The following MTUS2 variants were observed in gnomAD, a reference collection of about 807,000 sequenced individuals.
The protein encoded by MTUS2 is microtubule-associated tumor suppressor candidate 2.
Under a neutral mutation model 114.1 loss-of-function variants are expected in MTUS2, and 40 were observed. The ratio of observed to expected loss-of-function variants is 0.35; its 90% CI spans 0.27 to 0.46. MTUS2 has a LOEUF of 0.46. Ranked by LOEUF, MTUS2 falls within the 20% of genes least tolerant of loss-of-function variation. The pLI is 1.00. For missense variants in MTUS2, 1,679 were observed against 1,705.4 expected (o/e 0.98, Z 0.27); for synonymous variants, 688 against 672.0 (o/e 1.02, Z -0.37).
intron 5 of MTUS2, among the ~76,000 whole-genome samples, chr13:29,160,812 G>A (rs925455942): frequency 2.0e-5 from 3 of 152,110 alleles, no homozygotes; most frequent in Admixed American, 6.6e-5. Context: ...CAACCACGTT[G>A]GGGTTGGCAT....
intron 6 of MTUS2, among the ~76,000 whole-genome samples, chr13:29,318,482 A>G (rs1292014442): frequency 2.0e-5 from 3 of 148,678 alleles, no homozygotes; most frequent in Non-Finnish European, 4.4e-5. Context: ...GAGACCAAGC[A>G]GTTAGTGACT....
chr13:29,392,598 GTATATT>G (rs1873594287), intron 8 of MTUS2, among the ~76,000 whole-genome samples: 1 of 152,206 alleles, frequency 6.6e-6, no homozygotes, highest in Non-Finnish European at 1.5e-5. Context: ...ACTTTCTGGT[GTATATT>G]TATATGAGTT....
intron 8 of MTUS2, among the ~76,000 whole-genome samples, chr13:29,431,516 A>G (rs527804336): frequency 3.9e-4 from 59 of 152,346 alleles, no homozygotes; most frequent in African/African-American, 1.4e-3. Flanking sequence ...ACAAGACTGG[A>G]GTATAATTAA....
intron 13 of MTUS2, 79 bp downstream of exon 13, chr13:29,497,415 T>A: frequency 7.7e-7 from 1 of 1,291,664 alleles, no homozygotes; most frequent in Non-Finnish European, 1.1e-6. Flanking sequence ...AGCAGTCTCG[T>A]CCCAAGACAA....
intron 7 of MTUS2, among the ~76,000 whole-genome samples, chr13:29,337,378 G>A (rs980348810): frequency 1.3e-5 from 2 of 152,030 alleles, no homozygotes; most frequent in Admixed American, 1.3e-4. Flanking sequence ...AGTCCCTCAT[G>A]GCTTCTGTTG....
intron 8 of MTUS2, among the ~76,000 whole-genome samples, chr13:29,370,127 A>T (rs1338837556): frequency 6.6e-6 from 1 of 152,186 alleles, no homozygotes; most frequent in Admixed American, 6.5e-5. Flanking sequence ...AGGTGGGTGG[A>T]TCGCTTGAGC....
intron 8 of MTUS2, among the ~76,000 whole-genome samples, chr13:29,382,063 G>A (rs61519858): frequency 0.12 from 18,169 of 152,162 alleles, 1,262 homozygotes; most frequent in African/African-American, 0.19. Flanking sequence ...TGTGTTGGAG[G>A]AATCGATCAA....
chr13:29,155,977 G>C (rs3011463), intron 5 of MTUS2, among the ~76,000 whole-genome samples: 152,235 of 152,236 alleles, frequency 1, 76,117 homozygotes, highest in Non-Finnish European at 1. Flanking sequence ...TGAATGGACA[G>C]TAACCATAAA....
At chr13:29,053,598 T>G in intron 4 of MTUS2, among the ~76,000 whole-genome samples, 1 of 152,212 alleles carries the variant, frequency 6.6e-6, no homozygotes, top group East Asian at 1.9e-4. Flanking sequence ...CAGGTGAATA[T>G]TCATCTGCTT....
At chr13:29,033,071 T>C (rs1886900714) in intron 3 of MTUS2, among the ~76,000 whole-genome samples, 1 of 152,170 alleles carries the variant, frequency 6.6e-6, no homozygotes, top group South Asian at 2.1e-4. Flanking sequence ...CAGGAGAAAG[T>C]GACAGTAACG....
chr13:29,235,348 C>A (rs1896496635), intron 5 of MTUS2, among the ~76,000 whole-genome samples: 1 of 152,144 alleles, frequency 6.6e-6, no homozygotes, highest in African/African-American at 2.4e-5. Context: ...CCTCCTCGGC[C>A]TCCCAAAGTG....
In MTUS2 at chr13:29,036,502, A is replaced by T. The variant is rs190674854; in HGVS notation, c.2446+2377A>T. On this transcript the variant is annotated intron_variant, in intron 4 of 15. Coordinates refer to ENST00000612955, the MANE Select transcript of MTUS2 (RefSeq NM_001033602.4). ...TATATTCTATCAGATTGGGGTGGAGAGTTCTGTAGATGTCTATTAAGTTGG... is the reference window on the plus strand; with the variant it reads ...TATATTCTATCAGATTGGGGTGGAGTGTTCTGTAGATGTCTATTAAGTTGG... Among the ~76,000 whole-genome samples, 13 of 152,216 alleles carry T rather than the reference A, an allele frequency of 8.5e-5. No homozygotes were observed. In the East Asian group the frequency reaches 2.5e-3, roughly 29 times the overall value.
rs1593520501 is a variant in MTUS2, at chr13:29,497,495, T to C, written c.3678+159T>C. On this transcript the variant is annotated intron_variant, in intron 13 of 15. Transcript: ENST00000612955. ...CTCCCCTGGATTTTTAAACAATTCCTGTCAGCAGCTCTCCCCTGAGACAGA... is the reference window on the plus strand; with the variant it reads ...CTCCCCTGGATTTTTAAACAATTCCCGTCAGCAGCTCTCCCCTGAGACAGA... 9.4e-6 allele frequency: 6 copies of C among 638,194 alleles called. No homozygotes were observed. In the East Asian group the frequency reaches 1.6e-4, roughly 18 times the overall value. The allele number at this position is 638,194 out of a possible 1,614,324, so 39.5% of individuals were successfully genotyped here.
intron 2 of MTUS2, among the ~76,000 whole-genome samples, chr13:28,940,527 GACTTTAAAATA>G (rs1199753909): frequency 6.6e-6 from 1 of 152,056 alleles, no homozygotes; most frequent in East Asian, 1.9e-4. Context: ...ATCAAACCCA[GACTTTAAAATA>G]ACTTTGACTA....
intron 7 of MTUS2, among the ~76,000 whole-genome samples, chr13:29,337,087 G>C (rs1408440463): frequency 6.6e-6 from 1 of 152,170 alleles, no homozygotes; most frequent in African/African-American, 2.4e-5. Flanking sequence ...GCTCTGTGGG[G>C]ATGGGTTCTG....
chr13:29,012,380 C>T (rs1035571493), intron 2 of MTUS2, among the ~76,000 whole-genome samples: 5 of 152,232 alleles, frequency 3.3e-5, no homozygotes, highest in East Asian at 3.9e-4. Context: ...TGGGATTCTC[C>T]GGCAGCTACT....
chr13:29,462,160 A>G (rs992986101), intron 9 of MTUS2, among the ~76,000 whole-genome samples: 7 of 152,220 alleles, frequency 4.6e-5, no homozygotes, highest in Non-Finnish European at 1.0e-4. Context: ...GCATTTCAAC[A>G]TGCTTTCAGG....
At chr13:28,980,981 A>C (rs557319120) in intron 2 of MTUS2, among the ~76,000 whole-genome samples, 2 of 152,384 alleles carry the variant, frequency 1.3e-5, no homozygotes, top group East Asian at 3.9e-4. Context: ...GTCTTGACTT[A>C]ATGTTAGCTT....
intron 5 of MTUS2, among the ~76,000 whole-genome samples, chr13:29,192,151 C>T (rs1168339024): frequency 2.6e-5 from 4 of 152,196 alleles, no homozygotes; most frequent in South Asian, 2.1e-4. Flanking sequence ...TGTGTGTGTG[C>T]TGTTAAACTT....
Sources: gnomAD v4.1 joint callset for allele counts (sites outside exome capture counted in the v4.1 genomes callset) on GRCh38, gnomAD v4.1.1 for gene constraint, MANE v1.5 for transcripts, NCBI Gene and HGNC (gene_info 2026-07-23, HGNC 2026-07-21) for gene names.